Variants in OSBPL10 observed in about 807,000 individuals in gnomAD.
OSBPL10 encodes the protein oxysterol binding protein like 10, also known as oxysterol-binding protein-related protein 10.
A neutral mutation model predicts 81.7 loss-of-function variants in OSBPL10; 49 were observed. The observed-to-expected ratio is 0.60, with a 90% CI of 0.48 to 0.76. The LOEUF (loss-of-function observed/expected upper bound fraction) is 0.76. OSBPL10 is among the 30% of genes least tolerant of loss of function. OSBPL10 has a pLI of 0.00. For missense variants in OSBPL10, 923 were observed against 987.8 expected (o/e 0.93, Z 0.88); for synonymous variants, 419 against 383.6 (o/e 1.09, Z -1.08).
intron 4 of OSBPL10, among the ~76,000 whole-genome samples, chr3:31,782,002 G>A (rs1042030609): frequency 6.6e-6 from 1 of 152,040 alleles, no homozygotes; most frequent in Non-Finnish European, 1.5e-5. Context: ...GCCAAAGCAA[G>A]ACTAGGCAAC....
intron 5 of OSBPL10, among the ~76,000 whole-genome samples, chr3:31,741,398 G>A (rs1232132773): frequency 1.3e-5 from 2 of 152,194 alleles, no homozygotes; most frequent in African/African-American, 4.8e-5. Context: ...CCAAGTAGCT[G>A]GGACTACAGG....
At chr3:31,898,296 A>T (rs1362653423) in intron 1 of OSBPL10, among the ~76,000 whole-genome samples, 1 of 152,226 alleles carries the variant, frequency 6.6e-6, no homozygotes, top group Non-Finnish European at 1.5e-5. Flanking sequence ...CCACAAAAAA[A>T]GATAAGTGAG....
At chr3:31,694,458 T>C (rs891312029) in intron 7 of OSBPL10, among the ~76,000 whole-genome samples, 4 of 151,020 alleles carry the variant, frequency 2.6e-5, no homozygotes, top group Admixed American at 6.6e-5. Context: ...ATCTGTTCAA[T>C]ATTAAATTTT....
intron 4 of OSBPL10, among the ~76,000 whole-genome samples, chr3:31,815,184 C>T (rs1478183950): frequency 5.0e-5 from 1 of 19,838 alleles, no homozygotes; most frequent in African/African-American, 1.0e-4. Flanking sequence ...CGCCCTGAGA[C>T]AACATGAACA....
chr3:31,847,210 T>TAA (rs1559490091), intron 3 of OSBPL10, among the ~76,000 whole-genome samples: 1,408 of 106,016 alleles, frequency 0.013, 20 homozygotes, highest in African/African-American at 0.044. Context: ...TTTTTTTTTT[T>TAA]TAAAAAGACA....
intron 1 of OSBPL10, among the ~76,000 whole-genome samples, chr3:31,890,705 GAATT>G (rs1245721812): frequency 4.6e-5 from 7 of 152,258 alleles, no homozygotes; most frequent in Admixed American, 3.3e-4. Flanking sequence ...TGTCTTATGA[GAATT>G]AATATAGGCT....
chr3:31,968,930 A>T (rs751475267), intron 1 of OSBPL10, among the ~76,000 whole-genome samples: 1 of 152,210 alleles, frequency 6.6e-6, no homozygotes, highest in African/African-American at 2.4e-5. Context: ...GAAATGCTAT[A>T]TAATGAATGT....
In OSBPL10 at chr3:31,762,703, G is replaced by A. The variant is rs150877439; in HGVS notation, c.730-14583C>T. Reference sequence around the variant, plus strand: ...AGGCTGGTGTCAAGCTCCTGAGCTCGAGGGATCTTCCTGCCTCAGCCTCCC... The same window carrying A: ...AGGCTGGTGTCAAGCTCCTGAGCTCAAGGGATCTTCCTGCCTCAGCCTCCC... On this transcript the variant is annotated intron_variant, in intron 4 of 11. Transcript: ENST00000396556. Among the ~76,000 whole-genome samples, 210 of 138,300 alleles carry A rather than the reference G, an allele frequency of 1.5e-3. 2 individuals are homozygous for A. Among genetic ancestry groups the A allele is most frequent in the African/African-American group, 5.3e-3 (197 of 36,932 alleles). 90.7% of individuals were successfully genotyped at this position (138,300 alleles called of 152,430 possible). A position where few individuals can be genotyped will look rare whatever the true frequency, so the allele number is the denominator to read the frequency against.
At chr3:32,035,270 T>C (rs959721512) in intron 2 of OSBPL10, among the ~76,000 whole-genome samples, 1 of 152,026 alleles carries the variant, frequency 6.6e-6, no homozygotes, top group African/African-American at 2.4e-5. Flanking sequence ...CTTACAACTC[T>C]GAAGAATCAG....
intron 3 of OSBPL10, among the ~76,000 whole-genome samples, chr3:31,875,484 G>C (rs968013444): frequency 1.3e-5 from 2 of 151,796 alleles, no homozygotes; most frequent in African/African-American, 4.8e-5. Flanking sequence ...TTCGGCTTAG[G>C]GCAAGTTAAG....
At chr3:31,974,652 C>A (rs1340756371) in intron 1 of OSBPL10, among the ~76,000 whole-genome samples, 1 of 152,146 alleles carries the variant, frequency 6.6e-6, no homozygotes, top group African/African-American at 2.4e-5. Flanking sequence ...TCACATATTA[C>A]ACAATACACA....
intron 2 of OSBPL10, among the ~76,000 whole-genome samples, chr3:32,045,628 C>T (rs1272954410): frequency 6.6e-6 from 1 of 152,162 alleles, no homozygotes; most frequent in Admixed American, 6.5e-5. Context: ...AGGAGGCATC[C>T]AACTTGGAAA....
intron 6 of OSBPL10, among the ~76,000 whole-genome samples, chr3:31,731,331 A>G (rs1696965236): frequency 6.6e-6 from 1 of 152,226 alleles, no homozygotes; most frequent in Admixed American, 6.5e-5. Context: ...ACATGGAATC[A>G]AACAAAATCT....
In OSBPL10 at chr3:32,015,391, A is replaced by G. The variant is rs145800428; in HGVS notation, n.298+31100T>C. Among the ~76,000 whole-genome samples the G allele has an allele frequency of 2.4e-3, 365 of 152,366 alleles. 2 individuals carry two copies. Among genetic ancestry groups the G allele is most frequent in the African/African-American group, 8.1e-3 (338 of 41,584 alleles). ...ATGGTGCAGGGAAAACTGGCTAGCC[A>G]TACATAGAAAGCTGAAACTGGATCC... On this transcript the variant is annotated intron_variant and non_coding_transcript_variant, in intron 2 of 3. Coordinates refer to the OSBPL10 transcript ENST00000479173.
chr3:32,054,779 C>CCTCA (rs1400568478), intron 1 of OSBPL10, among the ~76,000 whole-genome samples: 1 of 152,084 alleles, frequency 6.6e-6, no homozygotes, highest in Non-Finnish European at 1.5e-5. Flanking sequence ...GATCCACCTG[C>CCTCA]CTCAGCCTCC....
rs548044524 is a variant in OSBPL10 at position 32,023,393 on chromosome 3, A to G, written n.298+23098T>C. 3.9e-5 allele frequency among the ~76,000 whole-genome samples: 6 copies of G among 152,192 alleles called. No individual in the cohort carries two copies. In the Middle Eastern group the frequency reaches 0.01, roughly 259 times the overall value. On this transcript the variant is annotated intron_variant and non_coding_transcript_variant, in intron 2 of 3. Coordinates refer to the OSBPL10 transcript ENST00000479173. ...TGCTCTTCCTTTATCTTCCGCCACA[A>G]TTGTGAGGCCTCCCCAGCCATGTGA...
intron 3 of OSBPL10, among the ~76,000 whole-genome samples, chr3:31,870,499 G>A (rs71612100): frequency 0.079 from 12,062 of 152,320 alleles, 556 homozygotes; most frequent in East Asian, 0.12. Context: ...TGAGGAGTGC[G>A]AATGCATGGC....
chr3:31,781,268 T>G (rs1698688973), intron 4 of OSBPL10, among the ~76,000 whole-genome samples: 1 of 152,176 alleles, frequency 6.6e-6, no homozygotes, highest in Non-Finnish European at 1.5e-5. Flanking sequence ...CAGCATTACT[T>G]TATGATTAAA....
At chr3:31,945,976 T>C (rs181465977) in intron 1 of OSBPL10, among the ~76,000 whole-genome samples, 5 of 144,596 alleles carry the variant, frequency 3.5e-5, no homozygotes, top group African/African-American at 1.3e-4. Flanking sequence ...CTACTAAGTT[T>C]TGGTTTATGC....
Sources: allele counts gnomAD v4.1 joint callset (sites outside exome capture counted in the v4.1 genomes callset), GRCh38; gene constraint gnomAD v4.1.1; transcripts MANE v1.5; gene names NCBI Gene and HGNC (gene_info 2026-07-23, HGNC 2026-07-21).